KCNH2: variants seen among roughly 807,000 people sequenced by gnomAD.
KCNH2 encodes the protein potassium voltage-gated channel subfamily H member 2, also known as voltage-gated inwardly rectifying potassium channel KCNH2.
In KCNH2, 35 loss-of-function variants were observed where a neutral mutation model predicts 95.9. That is an observed-to-expected ratio of 0.37 (90% CI 0.28 to 0.48). The LOEUF (loss-of-function observed/expected upper bound fraction) is 0.48. KCNH2 is among the 20% of genes least tolerant of loss of function. The pLI, the probability that KCNH2 is intolerant of heterozygous loss-of-function variation, is 0.99. For missense variants in KCNH2, 1,274 were observed against 1,702.9 expected, an observed-to-expected ratio of 0.75 and a Z score of 4.43; for synonymous variants, 786 against 754.7, an observed-to-expected ratio of 1.04 and a Z score of -0.68.
In KCNH2 at chr7:150,948,862, C is replaced by T. The variant is rs1223429078; in HGVS notation, c.2586G>A (p.Leu862=). Residue 862 remains leucine (L), a synonymous_variant, in exon 10 of 15, where the codon CTG becomes CTA. Transcript: ENST00000262186. ...CTCAGGGCAGCCAACTCACATCTCG[C>T]AGGTTGAAGGTGATCTCCAGGCTGG... ...FWSSLEITFN[L]RDTNMIPGSP... 1.2e-6 allele frequency: 2 copies of T among 1,614,198 alleles called. No homozygotes were observed.
intron 1 of KCNH2, 24 bp downstream of exon 1, chr7:150,977,814 C>G: frequency 4.3e-6 from 6 of 1,409,616 alleles, no homozygotes; most frequent in Admixed American, 1.9e-5. Flanking sequence ...GCCCCCTCCC[C>G]GCTCAGCCCC....
At chr7:150,950,803 C>T in intron 8 of KCNH2, 118 bp downstream of exon 8, 1 of 1,086,048 alleles carries the variant, frequency 9.2e-7, no homozygotes. Flanking sequence ...AACGTGCCTC[C>T]AGGGTCCTTA....
In KCNH2 at chr7:150,951,141, G is replaced by A. The variant is rs200905835; in HGVS notation, c.1946-21C>T. 356 of 1,581,252 alleles carry A rather than the reference G, an allele frequency of 2.3e-4. 1 individual carries two copies. The African/African-American group carries it at 3.9e-3, about 18-fold the overall frequency. ...GAGGGCTGGGGGCGTGGGCACGTGGGGCCGTCAGCCTCTGCAGGGACCCCA... is the reference window on the plus strand; with the variant it reads ...GAGGGCTGGGGGCGTGGGCACGTGGAGCCGTCAGCCTCTGCAGGGACCCCA... On this transcript the variant is annotated intron_variant, in intron 7 of 14. Transcript: ENST00000262186.
At position 150,948,433 on chromosome 7, in the gene KCNH2, C is replaced by T. The variant is rs1392087883; in HGVS notation, c.2692+11G>A. 1.3e-6 allele frequency: 2 copies of T among 1,570,252 alleles called. No homozygotes were observed. Among genetic ancestry groups the T allele is most frequent in the South Asian group, 1.1e-5 (1 of 90,100 alleles). ...CCCCGCCCTCCCCCTTCCTCCCCTCCCCCGCCTCACCCTTGTCCGTGCGCC... is the reference window on the plus strand; with the variant it reads ...CCCCGCCCTCCCCCTTCCTCCCCTCTCCCGCCTCACCCTTGTCCGTGCGCC... On this transcript the variant is annotated intron_variant, in intron 11 of 14. Transcript: ENST00000262186.
Position 150,947,712 on chromosome 7 carries a change from G to T in KCNH2, c.2859C>A (p.Leu953=). 1 of 1,580,714 alleles carries T rather than the reference G, an allele frequency of 6.3e-7. No individual in the cohort carries two copies. Among genetic ancestry groups the T allele is most frequent in the Admixed American group, 1.8e-5 (1 of 55,582 alleles). The change falls in exon 12 of 15, where the codon CTC becomes CTA. Residue 953 remains leucine (L), a synonymous_variant. Coordinates refer to ENST00000262186, the MANE Select transcript of KCNH2 (RefSeq NM_000238.4). ...TGGGGCTGGAGAAGGGCACCAGGCG[G>T]AGGGGGCTGGAGCTGCGGCCTGGGC... ...DEGPGRSSSP[L]RLVPFSSPRP...
chr7:150,978,003 G>A lies in KCNH2; in HGVS notation c.-90C>T. ...GCTTCGGGTGGCCCGGCCGGGCCGT[G>A]GTCCCCGCACCCCGCGGCCAAGCCG... is the stretch of plus-strand genomic sequence containing the variant. On this transcript the variant is annotated 5_prime_UTR_variant, in exon 1 of 15. Transcript: ENST00000262186. The A allele has an allele frequency of 1.7e-6, 1 of 598,662 alleles. No individual in the cohort carries two copies. Among genetic ancestry groups the A allele is most frequent in the Non-Finnish European group, 2.4e-6 (1 of 417,186 alleles). The allele number at this position is 598,662 out of a possible 1,614,324, so 37.1% of individuals were successfully genotyped here. A position where few individuals can be genotyped will look rare whatever the true frequency, so the allele number is the denominator to read the frequency against.
intron 2 of KCNH2, among the ~76,000 whole-genome samples, chr7:150,973,011 C>T (rs752900332): frequency 3.9e-5 from 6 of 152,206 alleles, no homozygotes; most frequent in African/African-American, 7.2e-5. Flanking sequence ...GAGCACGGCC[C>T]GTTGCAGGCA....
rs1240307237 is a variant in KCNH2, at chr7:150,962,082, T to A, written c.308-2346A>T. ...CAGCAGCCACTCTTGTCCCCTGACC[T>A]CTGGCCTCTGACACACAGCAGTGGT... is the stretch of plus-strand genomic sequence containing the variant. On this transcript the variant is annotated intron_variant, in intron 2 of 14. Transcript: ENST00000262186. This position sits in a 1 kb window ranked among gnomAD's most constrained non-coding sequence, Gnocchi z 5.7. Among the ~76,000 whole-genome samples the A allele has an allele frequency of 6.6e-6, 1 of 152,208 alleles. No individual in the cohort carries two copies. The highest frequency in any genetic ancestry group is 1.9e-4 in the East Asian group (1 of 5,194).
chr7:150,965,722 G>A (rs1238842335), intron 2 of KCNH2, among the ~76,000 whole-genome samples: 5 of 152,212 alleles, frequency 3.3e-5, no homozygotes, highest in Non-Finnish European at 7.3e-5. Context: ...GAAGGCCACT[G>A]TACACTGGCC....
rs1057053178 is a variant in KCNH2, at chr7:150,970,887, G to C, written c.307+3824C>G. Among the ~76,000 whole-genome samples, 22 of 152,182 alleles carry C rather than the reference G, an allele frequency of 1.4e-4. 1 individual carries two copies. On this transcript the variant is annotated intron_variant, in intron 2 of 14. Transcript: ENST00000262186. ...TGGTCTGCCTCCTATCTCAAGACAA[G>C]AAAACCCACTTATACACCAATCCCT...
intron 7 of KCNH2, 25 bp from the exon 8 acceptor site, chr7:150,951,145 G>A (rs755607860): frequency 6.4e-6 from 10 of 1,569,542 alleles, no homozygotes; most frequent in Admixed American, 3.4e-5. Flanking sequence ...ACGTGGGGCC[G>A]TCAGCCTCTG....
chr7:150,975,282 G>C (rs1801953713), intron 1 of KCNH2, among the ~76,000 whole-genome samples: 1 of 152,204 alleles, frequency 6.6e-6, no homozygotes, highest in South Asian at 2.1e-4. Flanking sequence ...CAGCCGCGGC[G>C]GAGGGATAAA....
chr7:150,948,304 C>T (rs970867596), intron 11 of KCNH2, 140 bp downstream of exon 11: 10 of 732,448 alleles, frequency 1.4e-5, no homozygotes, highest in Non-Finnish European at 1.9e-5. Context: ...ATCTGGACAG[C>T]TGGGGTGTGG....
Position 150,977,857 on chromosome 7 carries a change from G to A in KCNH2, c.57C>T (p.Ile19=), listed in dbSNP as rs1366093398. The change falls in exon 1 of 15, where the codon ATC becomes ATT. Residue 19 remains isoleucine, a synonymous_variant. Transcript: ENST00000262186. ...APQNTFLDTI[I]RKFEGQSRKF... The stretch of plus-strand genomic sequence containing the variant: ...ACTCACTCTGGCCCTCAAACTTGCG[G>A]ATGATGGTGTCCAGGAAGGTGTTCT... The A allele has an allele frequency of 6.2e-7, 1 of 1,605,490 alleles. No individual in the cohort carries two copies. The highest frequency in any genetic ancestry group is 8.5e-7 in the Non-Finnish European group (1 of 1,177,468).
intron 2 of KCNH2, among the ~76,000 whole-genome samples, chr7:150,971,148 G>A (rs1263752401): frequency 6.6e-6 from 1 of 152,164 alleles, no homozygotes; most frequent in East Asian, 1.9e-4. Flanking sequence ...ACGGCCTTGG[G>A]GGACGGAGAA....
At chr7:150,957,261 G>C (rs1801404191) in intron 5 of KCNH2, 30 bp downstream of exon 5, 8 of 1,523,518 alleles carry the variant, frequency 5.3e-6, no homozygotes, top group Non-Finnish European at 6.2e-6. Context: ...CCTCCAAGGT[G>C]AGAGGAGAGC....
intron 2 of KCNH2, among the ~76,000 whole-genome samples, chr7:150,963,595 G>A (rs950504290): frequency 4.7e-4 from 7 of 14,968 alleles, no homozygotes; most frequent in Non-Finnish European, 8.2e-4. Context: ...CCCCAGCCCC[G>A]ACCCCACTCC....
chr7:150,949,139 G>C, intron 9 of KCNH2, 90 bp from the exon 10 acceptor site: 2 of 1,273,080 alleles, frequency 1.6e-6, no homozygotes, highest in Admixed American at 2.0e-5. Context: ...ACCCCGGGCA[G>C]AGCATGTCCC....
chr7:150,957,975 C>A, intron 4 of KCNH2, 84 bp downstream of exon 4: 1 of 1,140,626 alleles, frequency 8.8e-7, no homozygotes. Flanking sequence ...GTGAAAAGGT[C>A]AGAAGCCGAG....
Sources: allele counts gnomAD v4.1 joint callset (sites outside exome capture counted in the v4.1 genomes callset), GRCh38; gene constraint gnomAD v4.1.1; non-coding constraint Gnocchi (gnomAD v3.1); transcripts MANE v1.5; gene names NCBI Gene and HGNC (gene_info 2026-07-23, HGNC 2026-07-21).